Variants in ATAD2B observed in about 807,000 individuals in gnomAD.
ATAD2B encodes the protein ATPase family AAA domain containing 2B.
In ATAD2B, 40 loss-of-function variants were observed where a neutral mutation model predicts 167.6. The ratio of observed to expected loss-of-function variants is 0.24; its 90% confidence interval spans 0.19 to 0.31. The LOEUF is 0.31. ATAD2B is among the 10% of genes least tolerant of loss of function. The probability of loss-of-function intolerance (pLI) is 1.00; values close to 1 mark genes in which losing one functional copy is unlikely to be tolerated. For missense variants in ATAD2B, 1,242 were observed against 1,757.2 expected, an observed-to-expected ratio of 0.71 and a Z score of 5.24; for synonymous variants, 579 against 596.5, an observed-to-expected ratio of 0.97 and a Z score of 0.43.
At chr2:23,808,219 A>ATG (rs1323245472) in intron 18 of ATAD2B, among the ~76,000 whole-genome samples, 2 of 137,140 alleles carry the variant, frequency 1.5e-5, no homozygotes, top group African/African-American at 5.5e-5. Context: ...ATATATATAT[A>ATG]TAAAGTAAAT....
At chr2:23,779,745 T>C (rs1460436894) in intron 22 of ATAD2B, among the ~76,000 whole-genome samples, 1 of 152,148 alleles carries the variant, frequency 6.6e-6, no homozygotes, top group Non-Finnish European at 1.5e-5. Context: ...TGGAGAAATA[T>C]ATTAATTAAT....
chr2:23,695,483 G>A, the ATAD2B span: 2 of 665,960 alleles, frequency 3.0e-6, no homozygotes, highest in East Asian at 5.5e-5. The surrounding 1 kb of genome is among the most constrained non-coding windows in gnomAD (Gnocchi z 7.6). Context: ...CCTCTGTCTA[G>A]GCTAGCAGAG....
intron 13 of ATAD2B, among the ~76,000 whole-genome samples, chr2:23,853,935 G>C (rs940646536): frequency 1.1e-4 from 17 of 152,120 alleles, no homozygotes; most frequent in African/African-American, 3.9e-4. Context: ...TATGGTTCTG[G>C]AACAAATGAG....
intron 19 of ATAD2B, 113 bp from the exon 20 acceptor site, chr2:23,788,760 C>G: frequency 1.1e-6 from 1 of 908,542 alleles, no homozygotes; most frequent in Non-Finnish European, 1.6e-6. Context: ...TATTCATAGA[C>G]CATTCACATG....
intron 19 of ATAD2B, among the ~76,000 whole-genome samples, chr2:23,797,416 G>A (rs974794872): frequency 5.9e-5 from 9 of 151,982 alleles, no homozygotes; most frequent in Non-Finnish European, 8.8e-5. Context: ...TGAAAAATAC[G>A]TGTATTAGTA....
chr2:23,756,815 C>T (rs944709984), intron 25 of ATAD2B, among the ~76,000 whole-genome samples: 1 of 152,082 alleles, frequency 6.6e-6, no homozygotes, highest in Non-Finnish European at 1.5e-5. Context: ...ATGAATATAC[C>T]TTAGTATGTG....
chr2:23,689,531 C>T, the ATAD2B span: 104,005 of 152,320 alleles, frequency 0.68, 37,364 homozygotes, highest in East Asian at 0.94. Flanking sequence ...TGCATGTGCT[C>T]GCACATCCTG....
chr2:23,737,310 C>T, the ATAD2B span, among the ~76,000 whole-genome samples: 1 of 152,198 alleles, frequency 6.6e-6, no homozygotes, highest in African/African-American at 2.4e-5. Context: ...TAGGAGCGGA[C>T]TGACACCTCA....
chr2:23,803,401 A>G (rs191642360), intron 18 of ATAD2B, among the ~76,000 whole-genome samples: 2 of 152,314 alleles, frequency 1.3e-5, no homozygotes, highest in Admixed American at 6.5e-5. Context: ...CTAAAGTACT[A>G]TAGCTCAAAG....
the ATAD2B span, among the ~76,000 whole-genome samples, chr2:23,704,612 C>T: frequency 1.3e-5 from 2 of 152,268 alleles, no homozygotes; most frequent in East Asian, 1.9e-4. Flanking sequence ...ACTAAAAATA[C>T]AAAAATTTGC....
At chr2:23,722,483 C>T in the ATAD2B span, among the ~76,000 whole-genome samples, 5 of 151,996 alleles carry the variant, frequency 3.3e-5, no homozygotes, top group Non-Finnish European at 7.4e-5. Flanking sequence ...ACAAACCAGA[C>T]CAAGCAGAAT....
the ATAD2B span, among the ~76,000 whole-genome samples, chr2:23,718,408 T>C: frequency 6.6e-6 from 1 of 152,092 alleles, no homozygotes; most frequent in African/African-American, 2.4e-5. Flanking sequence ...GAAAGGGGTG[T>C]CTTAGGAGCC....
intron 14 of ATAD2B, chr2:23,832,345 T>A: frequency 2.7e-6 from 1 of 369,382 alleles, no homozygotes; most frequent in South Asian, 2.1e-5. Context: ...TGACTTAGAT[T>A]TCAGTCTCAC....
intron 18 of ATAD2B, among the ~76,000 whole-genome samples, chr2:23,806,639 A>G (rs551108867): frequency 6.6e-6 from 1 of 152,282 alleles, no homozygotes; most frequent in African/African-American, 2.4e-5. Context: ...TACTTAATTT[A>G]TACATTAATT....
At chr2:23,729,693 A>C in the ATAD2B span, among the ~76,000 whole-genome samples, 1 of 152,208 alleles carries the variant, frequency 6.6e-6, no homozygotes, top group South Asian at 2.1e-4. Context: ...GGGGGAAAAA[A>C]GTAAAATGAT....
Position 23,867,912 on chromosome 2 carries a change from C to G in ATAD2B, c.1111G>C (p.Ala371Pro). 6.2e-7 allele frequency: 1 copy of G among 1,613,758 alleles called. No homozygotes were observed. Among genetic ancestry groups the G allele is most frequent in the Non-Finnish European group, 8.5e-7 (1 of 1,179,788 alleles). Reference sequence around the variant, plus strand: ...ACTCGTTCTCGGAGAATACCGCTAGCTAAGTCCTCTGCTCTGAAGTTCATA... The same window carrying G: ...ACTCGTTCTCGGAGAATACCGCTAGGTAAGTCCTCTGCTCTGAAGTTCATA... ...LPMNFRAEDL[A>P]SGILRERVKV... is the part of the protein sequence containing the mutation. Residue 371 changes from alanine (A) to proline (P), a missense_variant, in exon 10 of 28, where the codon GCT (alanine) becomes CCT (proline). By Grantham distance (27) the Ala-to-Pro change is conservative. Transcript: ENST00000238789.
chr2:23,865,043 C>T, intron 10 of ATAD2B, 119 bp from the exon 11 acceptor site: 1 of 543,732 alleles, frequency 1.8e-6, no homozygotes, highest in Admixed American at 4.0e-5. Context: ...AGCTTTTAAA[C>T]ATAACTACAA....
the ATAD2B span, among the ~76,000 whole-genome samples, chr2:23,710,873 G>A: frequency 6.6e-6 from 1 of 152,118 alleles, no homozygotes; most frequent in Non-Finnish European, 1.5e-5. Context: ...CCAGGGTTTT[G>A]GTATCCCTGG....
downstream of ATAD2B, among the ~76,000 whole-genome samples, chr2:23,747,828 G>A (rs932486381): frequency 2.4e-4 from 36 of 152,196 alleles, no homozygotes; most frequent in African/African-American, 8.4e-4. Flanking sequence ...GTAGGTGTCA[G>A]GGTACAGGGA....
Sources: gnomAD v4.1 joint callset for allele counts (sites outside exome capture counted in the v4.1 genomes callset) on GRCh38, gnomAD v4.1.1 for gene constraint, Gnocchi (gnomAD v3.1) non-coding constraint, MANE v1.5 for transcripts, NCBI Gene and HGNC (gene_info 2026-07-23, HGNC 2026-07-21) for gene names.